Variants in PRKAA1 observed in about 807,000 individuals in gnomAD.
The protein encoded by PRKAA1 is 5'-AMP-activated protein kinase catalytic subunit alpha-1.
PRKAA1 carries 23 observed loss-of-function variants against 56.9 expected under a neutral mutation model. The ratio of observed to expected loss-of-function variants is 0.40; its 90% confidence interval spans 0.29 to 0.57. The LOEUF (loss-of-function observed/expected upper bound fraction) is 0.57. Ranked by LOEUF, PRKAA1 falls within the 20% of genes least tolerant of loss-of-function variation. The pLI, the probability that PRKAA1 is intolerant of heterozygous loss-of-function variation, is 0.39. For synonymous variants in PRKAA1, 226 were observed against 227.0 expected (o/e 1.00, Z 0.04); for missense variants, 413 against 679.7 (o/e 0.61, Z 4.36).
At chr5:40,775,351 C>CT (rs1743950292) in intron 3 of PRKAA1, 59 bp downstream of exon 3, 1 of 1,325,876 alleles carries the variant, frequency 7.5e-7, no homozygotes, top group Non-Finnish European at 1.1e-6. Context: ...CATTTTGATG[C>CT]TAGTAAAGGA....
chr5:40,761,982 G>C lies in PRKAA1; in HGVS notation c.*796C>G, dbSNP rs767676019. 4 of 152,096 alleles carry C rather than the reference G, an allele frequency of 2.6e-5. No homozygotes were observed. Among genetic ancestry groups the C allele is most frequent in the Non-Finnish European group, 4.4e-5 (3 of 67,994 alleles). The allele number at this position is 152,096 out of a possible 1,614,324, so 9.4% of individuals were successfully genotyped here. On this transcript the variant is annotated 3_prime_UTR_variant, in exon 9 of 9. Transcript: ENST00000397128. ...CCATACACTACAGAATTTTAAAAGG[G>C]GGATATGGAGGCCGGGTGCGGTGGC...
Position 40,762,190 on chromosome 5 carries a change from T to G in PRKAA1, c.*588A>C, listed in dbSNP as rs1743222097. ...AGGAAGCTGAGGCGGGAGAATCACT[T>G]GAACCCGGGAGGTGGAGGTTGCAGT... On this transcript the variant is annotated 3_prime_UTR_variant, in exon 9 of 9. Coordinates refer to ENST00000397128, the MANE Select transcript of PRKAA1 (RefSeq NM_006251.6). 1 of 152,258 alleles carries G rather than the reference T, an allele frequency of 6.6e-6. No individual in the cohort carries two copies. The highest frequency in any genetic ancestry group is 1.5e-5 in the Non-Finnish European group (1 of 68,472). 9.4% of individuals were successfully genotyped at this position (152,258 alleles called of 1,614,324 possible). A position where few individuals can be genotyped will look rare whatever the true frequency, so the allele number is the denominator to read the frequency against.
At chr5:40,785,835 C>CAGAGAGAGAGAGAGAGAGAG (rs765908317) in intron 1 of PRKAA1, among the ~76,000 whole-genome samples, 2 of 142,030 alleles carry the variant, frequency 1.4e-5, no homozygotes, top group Admixed American at 7.0e-5. Context: ...CACACACACA[C>CAGAGAGAGAGAGAGAGAGAG]ACACAGAGAG....
At chr5:40,797,834 G>A (rs1241754636) in intron 1 of PRKAA1, among the ~76,000 whole-genome samples, 1 of 152,058 alleles carries the variant, frequency 6.6e-6, no homozygotes, top group East Asian at 1.9e-4. Context: ...AGGCCGCGGC[G>A]CCGTCGCCAT....
chr5:40,762,768 AG>A lies in PRKAA1; in HGVS notation c.*9del. 6.2e-7 allele frequency: 1 copy of A among 1,611,892 alleles called. No individual in the cohort carries two copies. Among genetic ancestry groups the A allele is most frequent in the African/African-American group, 1.3e-5 (1 of 74,906 alleles). On this transcript the variant is annotated 3_prime_UTR_variant, in exon 9 of 9. Transcript: ENST00000397128. ...TTATTGCTGCAAAAGAAATAAGCAA[AG>A]TTTTCTGTTTATTGTGCAAGAATTT...
chr5:40,778,920 C>T lies in PRKAA1; in HGVS notation c.128-1334G>A, dbSNP rs143840210. ...AGGTGATCCTCCCATCTCAGCCTCC[C>T]AAGTAGCTGGGACTACAGGCAGGCC... On this transcript the variant is annotated intron_variant, in intron 1 of 8. Coordinates refer to ENST00000397128, the MANE Select transcript of PRKAA1 (RefSeq NM_006251.6). 4.1e-3 allele frequency among the ~76,000 whole-genome samples: 622 copies of T among 151,096 alleles called. 1 individual carries two copies. Among genetic ancestry groups the T allele is most frequent in the African/African-American group, 0.013 (547 of 41,178 alleles).
At chr5:40,779,855 G>A (rs546744996) in intron 1 of PRKAA1, among the ~76,000 whole-genome samples, 2 of 152,062 alleles carry the variant, frequency 1.3e-5, no homozygotes, top group Admixed American at 6.6e-5. Context: ...TACACATTAC[G>A]TCACATTGTG....
At chr5:40,768,756 C>G (rs879320254) in intron 5 of PRKAA1, 2 of 1,324,604 alleles carry the variant, frequency 1.5e-6, no homozygotes, top group Non-Finnish European at 1.9e-6. Context: ...ATAAATCTAG[C>G]AAACTTCAGC....
At chr5:40,765,356 G>A (rs1409511446) in intron 6 of PRKAA1, 118 bp from the exon 7 acceptor site, 29 of 1,219,620 alleles carry the variant, frequency 2.4e-5, no homozygotes, top group Middle Eastern at 4.9e-4. Flanking sequence ...CTGTATTATT[G>A]TCACTTTTTG....
Position 40,779,178 on chromosome 5 carries a change from C to T in PRKAA1, c.128-1592G>A, listed in dbSNP as rs112195885. Reference sequence around the variant, plus strand: ...TATCTTTCCATTTTAAATGTTATCACTAGACAGTCGGTGGTGACAGAATTT... The same window carrying T: ...TATCTTTCCATTTTAAATGTTATCATTAGACAGTCGGTGGTGACAGAATTT... On this transcript the variant is annotated intron_variant, in intron 1 of 8. Coordinates refer to ENST00000397128, the MANE Select transcript of PRKAA1 (RefSeq NM_006251.6). 6.1e-3 allele frequency among the ~76,000 whole-genome samples: 927 copies of T among 151,674 alleles called. 13 individuals carry two copies. Among genetic ancestry groups the T allele is most frequent in the African/African-American group, 0.021 (877 of 41,474 alleles).
chr5:40,794,995 G>A (rs1744860998), intron 1 of PRKAA1, among the ~76,000 whole-genome samples: 1 of 104,826 alleles, frequency 9.5e-6, no homozygotes, highest in African/African-American at 3.5e-5. Flanking sequence ...AAACTGTGGT[G>A]TATACATATA....
chr5:40,764,800 A>G lies in PRKAA1; in HGVS notation c.1260T>C (p.Ile420=), dbSNP rs776363910. The G allele has an allele frequency of 1.9e-6, 3 of 1,613,800 alleles. No individual in the cohort carries two copies. In the East Asian group the frequency reaches 6.7e-5, roughly 36 times the overall value. ...GIRSQSRPND[I]MAEVCRAIKQ... is the part of the protein sequence containing the mutation. ...TGATTGCTCTACATACTTCTGCCATAATATCATTTGGTCGACTTTGACTTC... is the reference window on the plus strand; with the variant it reads ...TGATTGCTCTACATACTTCTGCCATGATATCATTTGGTCGACTTTGACTTC... The change falls in exon 7 of 9, where the codon ATT becomes ATC. Residue 420 remains isoleucine (I), a synonymous_variant. Coordinates refer to ENST00000397128, the MANE Select transcript of PRKAA1 (RefSeq NM_006251.6).
intron 6 of PRKAA1, among the ~76,000 whole-genome samples, chr5:40,766,588 C>A (rs1309159951): frequency 6.6e-6 from 1 of 151,900 alleles, no homozygotes; most frequent in African/African-American, 2.4e-5. Context: ...TCAATGTATA[C>A]TACCAGGAAA....
chr5:40,759,871 T>C lies in PRKAA1; in HGVS notation c.*2907A>G, dbSNP rs1743095228. 6.6e-6 allele frequency: 1 copy of C among 152,378 alleles called. No homozygotes were observed. Among genetic ancestry groups the C allele is most frequent in the African/African-American group, 2.4e-5 (1 of 41,466 alleles). 9.4% of individuals were successfully genotyped at this position (152,378 alleles called of 1,614,324 possible). On this transcript the variant is annotated 3_prime_UTR_variant, in exon 9 of 9. Transcript: ENST00000397128. Reference sequence around the variant, plus strand: ...TTCAGTGAAATTATTTTAAATTAGATATGATATATTAAGCTCCCATATGCC... The same window carrying C: ...TTCAGTGAAATTATTTTAAATTAGACATGATATATTAAGCTCCCATATGCC...
At chr5:40,793,860 G>A (rs1744816357) in intron 1 of PRKAA1, among the ~76,000 whole-genome samples, 1 of 152,158 alleles carries the variant, frequency 6.6e-6, no homozygotes, top group East Asian at 1.9e-4. Context: ...CAGCACTTTG[G>A]GAGGCCGAGG....
chr5:40,782,031 G>A (rs1561181547), intron 1 of PRKAA1, among the ~76,000 whole-genome samples: 1 of 152,186 alleles, frequency 6.6e-6, no homozygotes, highest in Admixed American at 6.5e-5. Flanking sequence ...CATCCTCCAA[G>A]AATCTCCAAG....
chr5:40,771,897 G>C, intron 3 of PRKAA1, 34 bp from the exon 4 acceptor site: 10 of 1,590,836 alleles, frequency 6.3e-6, no homozygotes, highest in Non-Finnish European at 8.5e-6. Flanking sequence ...TTAAAGGTGT[G>C]TCTTTCAAAG....
chr5:40,795,008 T>TACACACACACACACACACAC (rs201435537), intron 1 of PRKAA1, among the ~76,000 whole-genome samples: 1 of 149,948 alleles, frequency 6.7e-6, no homozygotes, highest in African/African-American at 2.5e-5. Context: ...TACATATATA[T>TACACACACACACACACACAC]ACACACACAC....
chr5:40,773,989 G>A (rs189063020), intron 3 of PRKAA1, among the ~76,000 whole-genome samples: 128 of 152,296 alleles, frequency 8.4e-4, no homozygotes, highest in African/African-American at 3.1e-3. Flanking sequence ...TGGCAGCTAA[G>A]CTAAGGCCTT....
Sources: allele counts gnomAD v4.1 joint callset (sites outside exome capture counted in the v4.1 genomes callset), GRCh38; gene constraint gnomAD v4.1.1; transcripts MANE v1.5; gene names NCBI Gene and HGNC (gene_info 2026-07-23, HGNC 2026-07-21).